The following PDGFC variants were observed in gnomAD, a reference collection of about 807,000 sequenced individuals.
The protein encoded by PDGFC is platelet derived growth factor C, also known as platelet-derived growth factor C.
In PDGFC, 12 loss-of-function variants were observed where a neutral mutation model predicts 35.5. The observed-to-expected ratio is 0.34, with a 90% CI of 0.22 to 0.55. PDGFC has a LOEUF of 0.55. Among genes scored for constraint, PDGFC ranks in the 20% least tolerant of loss-of-function variants. PDGFC has a pLI of 0.91. For missense variants in PDGFC, 322 were observed against 412.4 expected, an observed-to-expected ratio of 0.78 and a Z score of 1.90; for synonymous variants, 159 against 148.8, an observed-to-expected ratio of 1.07 and a Z score of -0.50.
intron 2 of PDGFC, among the ~76,000 whole-genome samples, chr4:156,840,441 G>T (rs1729169596): frequency 6.6e-6 from 1 of 152,352 alleles, no homozygotes; most frequent in East Asian, 1.9e-4. Context: ...TCTCCACTTA[G>T]ACTTTAGAGG....
chr4:156,906,989 A>C (rs1730929684), intron 1 of PDGFC, among the ~76,000 whole-genome samples: 1 of 152,224 alleles, frequency 6.6e-6, no homozygotes, highest in African/African-American at 2.4e-5. Flanking sequence ...TATAACAGAA[A>C]TTAAGTCTTG....
At chr4:156,961,373 C>A (rs752207145) in intron 1 of PDGFC, among the ~76,000 whole-genome samples, 2 of 152,110 alleles carry the variant, frequency 1.3e-5, no homozygotes, top group Non-Finnish European at 2.9e-5. Context: ...TCTGTAGTGA[C>A]TCAAAGGGCA....
intron 1 of PDGFC, among the ~76,000 whole-genome samples, chr4:156,958,704 A>G (rs1210303443): frequency 6.6e-6 from 1 of 152,074 alleles, no homozygotes; most frequent in African/African-American, 2.4e-5. Flanking sequence ...GCGCAGCACA[A>G]CATATTTTTA....
At chr4:156,879,055 T>G (rs987608884) in intron 1 of PDGFC, among the ~76,000 whole-genome samples, 8 of 152,208 alleles carry the variant, frequency 5.3e-5, no homozygotes, top group South Asian at 4.1e-4. Flanking sequence ...ATAATTTGTC[T>G]GAAAGGTAGG....
At chr4:156,811,879 G>C (rs1731940862) in intron 2 of PDGFC, among the ~76,000 whole-genome samples, 1 of 151,924 alleles carries the variant, frequency 6.6e-6, no homozygotes, top group South Asian at 2.1e-4. Flanking sequence ...AAATGTAGCA[G>C]GCAAGGTCCA....
At chr4:156,773,065 T>C (rs1730731413) in intron 3 of PDGFC, among the ~76,000 whole-genome samples, 172 bp from the exon 4 acceptor site, 1 of 152,228 alleles carries the variant, frequency 6.6e-6, no homozygotes, top group African/African-American at 2.4e-5. Context: ...TGAACTCTGA[T>C]AGATTTCCTG....
chr4:156,798,922 A>G (rs933523729), intron 3 of PDGFC, among the ~76,000 whole-genome samples: 3 of 152,118 alleles, frequency 2.0e-5, no homozygotes, highest in Non-Finnish European at 1.5e-5. Context: ...AAATTTAAAA[A>G]CCCAATTTCA....
rs1560814419 is a variant in PDGFC, at chr4:156,793,557, AT to A, written c.495+17279del. On this transcript the variant is annotated intron_variant, in intron 3 of 5. Transcript: ENST00000502773. ...TGCATATATATATATATATATATATATATATAAAACACTTTAAAATGTTATA... is the reference window on the plus strand; with the variant it reads ...TGCATATATATATATATATATATATAATATAAAACACTTTAAAATGTTATA... Among the ~76,000 whole-genome samples, 1,014 of 145,794 alleles carry A rather than the reference AT, an allele frequency of 7.0e-3. 17 individuals are homozygous for A. Among genetic ancestry groups the A allele is most frequent in the African/African-American group, 0.024 (962 of 39,804 alleles).
chr4:156,947,653 C>T (rs906048926), intron 1 of PDGFC, among the ~76,000 whole-genome samples: 18 of 151,982 alleles, frequency 1.2e-4, no homozygotes, highest in African/African-American at 3.9e-4. Flanking sequence ...AAAAAGAGGT[C>T]TAAGAAACGA....
intron 3 of PDGFC, among the ~76,000 whole-genome samples, chr4:156,794,512 G>A (rs1731386114): frequency 6.6e-6 from 1 of 151,380 alleles, no homozygotes. Flanking sequence ...AGAGAAGAAG[G>A]AAGAAAAAAG....
chr4:156,861,350 T>TAATTA, intron 1 of PDGFC: 3 of 462,394 alleles, frequency 6.5e-6, no homozygotes, highest in South Asian at 5.6e-5. Context: ...GTATCAAGCT[T>TAATTA]AATTACATGA....
intron 3 of PDGFC, among the ~76,000 whole-genome samples, chr4:156,793,352 C>T (rs1731346611): frequency 6.6e-6 from 1 of 151,556 alleles, no homozygotes; most frequent in Admixed American, 6.6e-5. Context: ...GACCAAAGAG[C>T]ATACTCTTTC....
intron 1 of PDGFC, among the ~76,000 whole-genome samples, chr4:156,855,558 A>G (rs1167359461): frequency 6.6e-6 from 1 of 152,132 alleles, no homozygotes; most frequent in Non-Finnish European, 1.5e-5. Flanking sequence ...GACATTTTGG[A>G]TGTATTTGCT....
chr4:156,813,375 G>A (rs767468865), intron 2 of PDGFC, among the ~76,000 whole-genome samples: 43 of 151,936 alleles, frequency 2.8e-4, no homozygotes, highest in Admixed American at 9.2e-4. Context: ...TTTGGGTTCT[G>A]GGTCCATAAA....
In PDGFC at chr4:156,971,743, C is replaced by T. The variant is rs924185717; in HGVS notation, c.-840G>A. Reference sequence around the variant, plus strand: ...TCCGGTTGTTCCCCGTCCCCTCCCCCCACGCCTCGGGCTCCGCGCTAACCT... The same window carrying T: ...TCCGGTTGTTCCCCGTCCCCTCCCCTCACGCCTCGGGCTCCGCGCTAACCT... On this transcript the variant is annotated 5_prime_UTR_variant, in exon 1 of 6. Coordinates refer to ENST00000502773, the MANE Select transcript of PDGFC (RefSeq NM_016205.3). Among the ~76,000 whole-genome samples the T allele has an allele frequency of 1.3e-5, 2 of 151,938 alleles. No individual in the cohort carries two copies. The highest frequency in any genetic ancestry group is 6.6e-5 in the Admixed American group (1 of 15,258).
At chr4:156,845,342 A>C (rs1729301071) in intron 2 of PDGFC, among the ~76,000 whole-genome samples, 1 of 151,794 alleles carries the variant, frequency 6.6e-6, no homozygotes, top group Admixed American at 6.6e-5. Flanking sequence ...TCATAACAGA[A>C]GAGAACAAAG....
rs559549095 is a variant in PDGFC at position 156,828,848 on chromosome 4, T to C, written c.315-17831A>G. ...TGGAATACTGTAAACAACATAAAAA[T>C]ATCCAAAAAAATGCAGACTCCAGAG... is the stretch of plus-strand genomic sequence containing the variant. On this transcript the variant is annotated intron_variant, in intron 2 of 5. Coordinates refer to ENST00000502773, the MANE Select transcript of PDGFC (RefSeq NM_016205.3). Among the ~76,000 whole-genome samples, 15 of 152,140 alleles carry C rather than the reference T, an allele frequency of 9.9e-5. No homozygotes were observed. In the East Asian group the frequency reaches 2.7e-3, roughly 27 times the overall value.
intron 1 of PDGFC, among the ~76,000 whole-genome samples, chr4:156,901,982 G>A (rs375112992): frequency 2.0e-5 from 3 of 152,316 alleles, no homozygotes; most frequent in African/African-American, 7.2e-5. Context: ...CAGGATAAGG[G>A]AAGTAGGACA....
chr4:156,767,081 GATAGAAT>G (rs1458952455), intron 5 of PDGFC, among the ~76,000 whole-genome samples: 2 of 152,042 alleles, frequency 1.3e-5, no homozygotes, highest in Non-Finnish European at 2.9e-5. Flanking sequence ...ATGGCTTCCT[GATAGAAT>G]GATGCTGTAT....
Sources: gnomAD v4.1 joint callset for allele counts (sites outside exome capture counted in the v4.1 genomes callset) on GRCh38, gnomAD v4.1.1 for gene constraint, MANE v1.5 for transcripts, NCBI Gene and HGNC (gene_info 2026-07-23, HGNC 2026-07-21) for gene names.